The following TBX2 variants were observed in gnomAD, a reference collection of about 807,000 sequenced individuals.
TBX2 encodes the protein T-box transcription factor 2.
Under a neutral mutation model 48.4 loss-of-function variants are expected in TBX2, and 19 were observed. The observed-to-expected ratio is 0.39, with a 90% CI of 0.27 to 0.58. The LOEUF is 0.58. Among genes scored for constraint, TBX2 ranks in the 20% least tolerant of loss-of-function variants. The probability of loss-of-function intolerance (pLI) is 0.54; values close to 1 mark genes in which losing one functional copy is unlikely to be tolerated. For missense variants in TBX2, 994 were observed against 1,006.5 expected (o/e 0.99, Z 0.17); for synonymous variants, 522 against 459.7 (o/e 1.14, Z -1.73).
intron 6 of TBX2, 80 bp downstream of exon 6, chr17:61,405,916 G>A: frequency 8.1e-7 from 1 of 1,229,356 alleles, no homozygotes; most frequent in African/African-American, 1.6e-5. Flanking sequence ...GAGGGCCTGA[G>A]GGGTGCCAGG....
At position 61,403,006 on chromosome 17, in the gene TBX2, A is replaced by G; in HGVS notation, c.664-55A>G. The G allele has an allele frequency of 1.3e-6, 2 of 1,552,588 alleles. No individual in the cohort carries two copies. Among genetic ancestry groups the G allele is most frequent in the South Asian group, 2.3e-5 (2 of 85,436 alleles). On this transcript the variant is annotated intron_variant, in intron 2 of 6. Coordinates refer to ENST00000240328, the MANE Select transcript of TBX2 (RefSeq NM_005994.4). The surrounding 1 kb of genome is among the most constrained non-coding windows in gnomAD (Gnocchi z 5.8). ...GGAAGAGGTCAGGTACCCAAAGAATAGAAAAGCTCGGGCCGGGGCTGGTGG... is the reference window on the plus strand; with the variant it reads ...GGAAGAGGTCAGGTACCCAAAGAATGGAAAAGCTCGGGCCGGGGCTGGTGG...
chr17:61,405,100 C>T (rs2060282406), intron 5 of TBX2, 102 bp from the exon 6 acceptor site: 4 of 1,503,418 alleles, frequency 2.7e-6, no homozygotes, highest in Middle Eastern at 1.7e-4. Context: ...CCAGCAGCTC[C>T]TCCGACTCGG....
chr17:61,399,884 G>C lies in TBX2; in HGVS notation c.-293G>C, dbSNP rs1172986262. 6.6e-6 allele frequency: 1 copy of C among 151,956 alleles called. No individual in the cohort carries two copies. Among genetic ancestry groups the C allele is most frequent in the East Asian group, 1.9e-4 (1 of 5,136 alleles). The allele number at this position is 151,956 out of a possible 1,614,324, so 9.4% of individuals were successfully genotyped here. ...CGAGCTGGGCAGGACATGTGAGATAGTCACAGTTTTCCAGAGATCACGACA... is the reference window on the plus strand; with the variant it reads ...CGAGCTGGGCAGGACATGTGAGATACTCACAGTTTTCCAGAGATCACGACA... On this transcript the variant is annotated 5_prime_UTR_variant, in exon 1 of 7. Transcript: ENST00000240328. This position sits in a 1 kb window ranked among gnomAD's most constrained non-coding sequence, Gnocchi z 4.7.
intron 2 of TBX2, 39 bp downstream of exon 2, chr17:61,401,990 G>A (rs1269937414): frequency 1.3e-6 from 2 of 1,549,784 alleles, no homozygotes; most frequent in Non-Finnish European, 1.7e-6. Flanking sequence ...GCAGGAGCTT[G>A]TTGACCCAGC....
At chr17:61,405,899 GC>G (rs1569017046) in intron 6 of TBX2, 63 bp downstream of exon 6, 15 of 1,256,774 alleles carry the variant, frequency 1.2e-5, no homozygotes, top group Non-Finnish European at 1.4e-5. Flanking sequence ...TGGCGGCGAG[GC>G]CAGCGGAGGG....
At position 61,400,261 on chromosome 17, in the gene TBX2, T is replaced by C; in HGVS notation, c.85T>C (p.Phe29Leu). The change falls in exon 1 of 7, where the codon TTT becomes CTT. Residue 29 changes from phenylalanine (F) to leucine (L), a missense_variant. By Grantham distance (22) the Phe-to-Leu change is conservative. This residue lies in a region of TBX2 where 165 missense variants were observed against 136.8 expected (regional missense o/e 1.21). Transcript: ENST00000240328. This position sits in a 1 kb window ranked among gnomAD's most constrained non-coding sequence, Gnocchi z 9.2. ...PRPADFPMSA[F>L]LAAAQPSFFP... is the part of the protein sequence containing the mutation. ...GCCCGCCGACTTCCCCATGTCCGCCTTTCTGGCGGCGGCGCAGCCCTCCTT... is the reference window on the plus strand; with the variant it reads ...GCCCGCCGACTTCCCCATGTCCGCCCTTCTGGCGGCGGCGCAGCCCTCCTT... The C allele has an allele frequency of 8.3e-7, 1 of 1,199,964 alleles. No individual in the cohort carries two copies. The highest frequency in any genetic ancestry group is 1.1e-6 in the Non-Finnish European group (1 of 943,266). The allele number at this position is 1,199,964 out of a possible 1,614,324, so 74.3% of individuals were successfully genotyped here.
At position 61,403,538 on chromosome 17, in the gene TBX2, G is replaced by A. The variant is rs1252528987; in HGVS notation, c.810+331G>A. ...TTTTATTCGTTTATTTCTTGGCTCA[G>A]GAATGAGAATGTAAGTGAAGAGAGG... On this transcript the variant is annotated intron_variant, in intron 3 of 6. Coordinates refer to ENST00000240328, the MANE Select transcript of TBX2 (RefSeq NM_005994.4). The surrounding 1 kb of genome is among the most constrained non-coding windows in gnomAD (Gnocchi z 5.8). 6.6e-6 allele frequency among the ~76,000 whole-genome samples: 1 copy of A among 152,154 alleles called. No individual in the cohort carries two copies. The highest frequency in any genetic ancestry group is 1.5e-5 in the Non-Finnish European group (1 of 68,044).
intron 5 of TBX2, 100 bp downstream of exon 5, chr17:61,404,869 A>G: frequency 6.7e-7 from 1 of 1,489,444 alleles, no homozygotes; most frequent in Middle Eastern, 1.7e-4. Context: ...CTGAAAGGCC[A>G]GGAAGGAAAC....
In TBX2 at chr17:61,400,816, T is replaced by C. The variant is rs2060261044; in HGVS notation, c.395+245T>C. On this transcript the variant is annotated intron_variant, in intron 1 of 6. Coordinates refer to ENST00000240328, the MANE Select transcript of TBX2 (RefSeq NM_005994.4). This position sits in a 1 kb window ranked among gnomAD's most constrained non-coding sequence, Gnocchi z 9.2. ...ATGAAATAAAACGAAAACATACTGC[T>C]AAAGAATAGCCCCAACCGTTCTGAG... Among the ~76,000 whole-genome samples the C allele has an allele frequency of 6.6e-6, 1 of 152,322 alleles. No individual in the cohort carries two copies. Among genetic ancestry groups the C allele is most frequent in the East Asian group, 1.9e-4 (1 of 5,166 alleles).
In TBX2 at chr17:61,401,864, C is replaced by T; in HGVS notation, c.576C>T (p.Ser192=). The T allele has an allele frequency of 6.2e-7, 1 of 1,613,026 alleles. No individual in the cohort carries two copies. Among genetic ancestry groups the T allele is most frequent in the East Asian group, 2.2e-5 (1 of 44,886 alleles). The change falls in exon 2 of 7, where the codon AGC becomes AGT. Residue 192 remains serine, a synonymous_variant. Coordinates refer to ENST00000240328, the MANE Select transcript of TBX2 (RefSeq NM_005994.4). The part of the protein sequence containing the change: ...MPKRMYIHPD[S]PATGEQWMAK... Reference sequence around the variant, plus strand: ...AACGCATGTACATCCACCCAGACAGCCCAGCCACGGGGGAGCAGTGGATGG... The same window carrying T: ...AACGCATGTACATCCACCCAGACAGTCCAGCCACGGGGGAGCAGTGGATGG...
rs2060258923 is a variant in TBX2, at chr17:61,400,333, C to T, written c.157C>T (p.Pro53Ser). 6.9e-6 allele frequency: 7 copies of T among 1,014,098 alleles called. No individual in the cohort carries two copies. Among genetic ancestry groups the T allele is most frequent in the Non-Finnish European group, 8.2e-6 (7 of 848,914 alleles). The allele number at this position is 1,014,098 out of a possible 1,614,324, so 62.8% of individuals were successfully genotyped here. The change falls in exon 1 of 7, where the codon CCC becomes TCC. Residue 53 changes from proline to serine, a missense_variant. Coordinates refer to ENST00000240328, the MANE Select transcript of TBX2 (RefSeq NM_005994.4). The surrounding 1 kb of genome is among the most constrained non-coding windows in gnomAD (Gnocchi z 9.2). ...GCCCGGCGCGCTGGCCAAGCCGCTGCCCGACCCGGGCCTGGCGGGGGCGGC... is the reference window on the plus strand; with the variant it reads ...GCCCGGCGCGCTGGCCAAGCCGCTGTCCGACCCGGGCCTGGCGGGGGCGGC... ...LPPGALAKPL[P>S]DPGLAGAAAA... is the part of the protein sequence containing the mutation.
intron 2 of TBX2, 131 bp from the exon 3 acceptor site, chr17:61,402,930 T>TAGAGAGAGAGAGAGAGAGAGAGAG (rs1555876930): frequency 1.5e-4 from 26 of 172,738 alleles, no homozygotes; most frequent in South Asian, 3.9e-4. Context: ...GAAGAACCGA[T>TAGAGAGAGAGAGAGAGAGAGAGAG]AGAGAGAGAG....
At chr17:61,402,985 G>A (rs1271803159) in intron 2 of TBX2, 76 bp from the exon 3 acceptor site, 3 of 1,275,534 alleles carry the variant, frequency 2.4e-6, no homozygotes, top group African/African-American at 4.4e-5. Context: ...TGGAGAGGAA[G>A]AGGTCAGGTA....
Position 61,404,838 on chromosome 17 carries a change from T to C in TBX2, c.1051+69T>C, listed in dbSNP as rs759082725. Reference sequence around the variant, plus strand: ...GGTCCTCAGGTCGCTGGGCTGGTCTTTTGCTGAGCCACCCGCTAACCTGAA... The same window carrying C: ...GGTCCTCAGGTCGCTGGGCTGGTCTCTTGCTGAGCCACCCGCTAACCTGAA... On this transcript the variant is annotated intron_variant, in intron 5 of 6. Transcript: ENST00000240328. 34 of 1,523,644 alleles carry C rather than the reference T, an allele frequency of 2.2e-5. No individual in the cohort carries two copies. The Middle Eastern group carries it at 1.3e-3, about 60-fold the overall frequency. 94.4% of individuals were successfully genotyped at this position (1,523,644 alleles called of 1,614,324 possible). A position where few individuals can be genotyped will look rare whatever the true frequency, so the allele number is the denominator to read the frequency against.
Position 61,399,937 on chromosome 17 carries a change from G to A in TBX2, c.-240G>A, listed in dbSNP as rs1176614149. On this transcript the variant is annotated 5_prime_UTR_variant, in exon 1 of 7. Transcript: ENST00000240328. The surrounding 1 kb of genome is among the most constrained non-coding windows in gnomAD (Gnocchi z 4.7). The stretch of plus-strand genomic sequence containing the variant: ...ATCTAACCAGTCGCGCGTGGTCCCC[G>A]GCGCCGGAGCGGGCCAGCTCAGCCC... 7 of 151,904 alleles carry A rather than the reference G, an allele frequency of 4.6e-5. No individual in the cohort carries two copies. The East Asian group carries it at 1.4e-3, about 30-fold the overall frequency. The allele number at this position is 151,904 out of a possible 1,614,324, so 9.4% of individuals were successfully genotyped here.
Position 61,405,346 on chromosome 17 carries a change from G to A in TBX2, c.1196G>A (p.Arg399Gln). 6.5e-7 allele frequency: 1 copy of A among 1,545,962 alleles called. No individual in the cohort carries two copies. The highest frequency in any genetic ancestry group is 8.7e-7 in the Non-Finnish European group (1 of 1,151,950). ...ACCGAACCCGAGCGCGCCCGGGAGC[G>A]GCGTAGTCCCGAGAGGGGCAAGGAG... ...RLTEPERARE[R>Q]RSPERGKEPA... The change falls in exon 6 of 7, where the codon CGG becomes CAG. Residue 399 changes from arginine to glutamine, a missense_variant. This residue lies in a region of TBX2 where 639 missense variants were observed against 613.2 expected (regional missense o/e 1.04). Coordinates refer to ENST00000240328, the MANE Select transcript of TBX2 (RefSeq NM_005994.4).
chr17:61,405,294 C>T lies in TBX2; in HGVS notation c.1144C>T (p.Pro382Ser). Reference protein sequence around the residue: ...AGAPLGRSPAPDSASPTRLTE... With the variant: ...AGAPLGRSPASDSASPTRLTE... ...GGCGCCGCTAGGCCGCAGCCCGGCTCCAGACAGCGCCAGCCCCACTCGCTT... is the reference window on the plus strand; with the variant it reads ...GGCGCCGCTAGGCCGCAGCCCGGCTTCAGACAGCGCCAGCCCCACTCGCTT... The change falls in exon 6 of 7, where the codon CCA becomes TCA. Residue 382 changes from proline (P) to serine (S), a missense_variant. This residue lies in a region of TBX2 where 639 missense variants were observed against 613.2 expected (regional missense o/e 1.04). Coordinates refer to ENST00000240328, the MANE Select transcript of TBX2 (RefSeq NM_005994.4). 6.4e-7 allele frequency: 1 copy of T among 1,557,642 alleles called. No homozygotes were observed. Among genetic ancestry groups the T allele is most frequent in the Non-Finnish European group, 8.6e-7 (1 of 1,159,230 alleles).
intron 1 of TBX2, 87 bp from the exon 2 acceptor site, chr17:61,401,597 C>CGAG (rs745598991): frequency 1.8e-5 from 27 of 1,499,608 alleles, no homozygotes; most frequent in Non-Finnish European, 2.4e-5. Context: ...GTGTGCGCAA[C>CGAG]GAGGAGGGAT....
At chr17:61,404,934 TC>T in intron 5 of TBX2, 165 bp downstream of exon 5, 1 of 1,259,890 alleles carries the variant, frequency 7.9e-7, no homozygotes, top group Non-Finnish European at 1.1e-6. Context: ...ACGAGGGCGG[TC>T]CCCGGTAGCC....
Sources: gnomAD v4.1 joint callset for allele counts (sites outside exome capture counted in the v4.1 genomes callset) on GRCh38, gnomAD v4.1.1 for gene constraint, gnomAD v4.1.1 regional missense constraint, Gnocchi (gnomAD v3.1) non-coding constraint, MANE v1.5 for transcripts, NCBI Gene and HGNC (gene_info 2026-07-23, HGNC 2026-07-21) for gene names.